IQGAP2: variants seen among roughly 807,000 people sequenced by gnomAD.
IQGAP2 encodes IQ motif containing GTPase activating protein 2.
In IQGAP2, 173 loss-of-function variants were observed where a neutral mutation model predicts 201.3. The ratio of observed to expected loss-of-function variants is 0.86; its 90% CI spans 0.76 to 0.98. IQGAP2 has a LOEUF of 0.98. Ranked by LOEUF, IQGAP2 falls within the 50% of genes least tolerant of loss-of-function variation. The pLI is 0.00. For synonymous variants in IQGAP2, 675 were observed against 673.9 expected (o/e 1.00, Z -0.03); for missense variants, 1,687 against 1,864.8 (o/e 0.90, Z 1.76).
chr5:76,475,595 C>T (rs1389515595), intron 2 of IQGAP2, among the ~76,000 whole-genome samples: 1 of 152,200 alleles, frequency 6.6e-6, no homozygotes, highest in Non-Finnish European at 1.5e-5. Flanking sequence ...AATGTGGCCA[C>T]ACCTGAACAG....
intron 32 of IQGAP2, among the ~76,000 whole-genome samples, 192 bp from the exon 33 acceptor site, chr5:76,697,795 C>T (rs1477331756): frequency 1.3e-5 from 2 of 152,190 alleles, no homozygotes; most frequent in African/African-American, 2.4e-5. Context: ...GAAATATGTA[C>T]ACTTTCCAGT....
At position 76,692,442 on chromosome 5, in the gene IQGAP2, G is replaced by A. The variant is rs62362985; in HGVS notation, c.3906-913G>A. On this transcript the variant is annotated intron_variant, in intron 30 of 35. Coordinates refer to ENST00000274364, the MANE Select transcript of IQGAP2 (RefSeq NM_006633.5). ...GCTGGGATTACAGGAGTGAGCCACC[G>A]CGCCTGGCCCTTTTTTTTCTTTTTA... 1.2e-3 allele frequency among the ~76,000 whole-genome samples: 182 copies of A among 152,294 alleles called. 1 individual carries two copies. The highest frequency in any genetic ancestry group is 1.1e-3 in the Non-Finnish European group (78 of 68,026).
At chr5:76,506,234 T>C (rs923319910) in intron 2 of IQGAP2, among the ~76,000 whole-genome samples, 4 of 152,208 alleles carry the variant, frequency 2.6e-5, no homozygotes, top group African/African-American at 4.8e-5. Context: ...AGAGAGCTAC[T>C]TGAGGGCAGG....
intron 2 of IQGAP2, among the ~76,000 whole-genome samples, chr5:76,466,125 C>T (rs1424858027): frequency 2.0e-5 from 3 of 151,688 alleles, no homozygotes; most frequent in Non-Finnish European, 4.4e-5. Context: ...TGCTTGAGGC[C>T]AGGAGTTTGA....
At chr5:76,654,894 G>A in intron 19 of IQGAP2, 40 bp from the exon 20 acceptor site, 1 of 1,316,856 alleles carries the variant, frequency 7.6e-7, no homozygotes, top group Non-Finnish European at 1.1e-6. Context: ...TGGAGTAGGT[G>A]GGACTCTGGG....
At chr5:76,658,178 G>T (rs1464387097) in intron 20 of IQGAP2, among the ~76,000 whole-genome samples, 1 of 152,190 alleles carries the variant, frequency 6.6e-6, no homozygotes, top group Non-Finnish European at 1.5e-5. Flanking sequence ...CTTAGCGCAT[G>T]AGTCCAGGGA....
chr5:76,629,304 T>C (rs1423522936), intron 14 of IQGAP2, among the ~76,000 whole-genome samples: 1 of 152,224 alleles, frequency 6.6e-6, no homozygotes, highest in Non-Finnish European at 1.5e-5. Flanking sequence ...TCTTCATTAT[T>C]TGCATGAAGA....
At chr5:76,527,875 T>A (rs577969213) in intron 2 of IQGAP2, among the ~76,000 whole-genome samples, 1 of 152,350 alleles carries the variant, frequency 6.6e-6, no homozygotes, top group East Asian at 1.9e-4. Context: ...TATCCTGTAT[T>A]AACTTGCTAA....
At chr5:76,422,197 C>T (rs1347130353) in intron 1 of IQGAP2, among the ~76,000 whole-genome samples, 2 of 152,146 alleles carry the variant, frequency 1.3e-5, no homozygotes, top group Non-Finnish European at 2.9e-5. Flanking sequence ...TTAACTGGAG[C>T]AAAAGGTGGC....
At chr5:76,550,507 G>A (rs969463495) in intron 2 of IQGAP2, among the ~76,000 whole-genome samples, 6 of 152,156 alleles carry the variant, frequency 3.9e-5, no homozygotes, top group South Asian at 2.1e-4. Context: ...GCTGCCTTCC[G>A]CAGTGTTTGT....
At position 76,671,859 on chromosome 5, in the gene IQGAP2, C is replaced by A; in HGVS notation, c.2944C>A (p.Arg982Ser). ...AGGTGCCCGGGGACAGAACACCCTG[C>A]GCCAACTCCTGGCTCCAGTGGTAAA... ...NRGARGQNTL[R>S]QLLAPVVKEI... Residue 982 changes from arginine (R) to serine (S), a missense_variant, in exon 24 of 36, where the codon CGC becomes AGC. Arg to Ser is a moderately radical substitution (Grantham distance 110, BLOSUM62 -1). Coordinates refer to ENST00000274364, the MANE Select transcript of IQGAP2 (RefSeq NM_006633.5). 6.2e-7 allele frequency: 1 copy of A among 1,613,974 alleles called. No individual in the cohort carries two copies. The highest frequency in any genetic ancestry group is 8.5e-7 in the Non-Finnish European group (1 of 1,179,938).
At chr5:76,570,844 C>T (rs1447703391) in intron 4 of IQGAP2, among the ~76,000 whole-genome samples, 187 bp downstream of exon 4, 1 of 152,144 alleles carries the variant, frequency 6.6e-6, no homozygotes, top group Non-Finnish European at 1.5e-5. Flanking sequence ...GGGATGTGCC[C>T]AGATTGAGAG....
At chr5:76,435,542 G>C (rs770958147) in intron 1 of IQGAP2, among the ~76,000 whole-genome samples, 16 of 152,082 alleles carry the variant, frequency 1.1e-4, no homozygotes, top group Non-Finnish European at 1.8e-4. Flanking sequence ...CCATTGGTCT[G>C]TGTATCTACT....
chr5:76,681,189 A>T (rs1489614928), intron 28 of IQGAP2, among the ~76,000 whole-genome samples: 1 of 151,904 alleles, frequency 6.6e-6, no homozygotes, highest in Admixed American at 6.6e-5. Flanking sequence ...TATCCAGAAT[A>T]TATAAAGAAA....
At chr5:76,457,554 C>T (rs1200201640) in intron 1 of IQGAP2, among the ~76,000 whole-genome samples, 1 of 152,234 alleles carries the variant, frequency 6.6e-6, no homozygotes, top group African/African-American at 2.4e-5. Context: ...GTTTGTTGAA[C>T]AAATGAGTGA....
At chr5:76,670,759 T>G (rs962261400) in intron 23 of IQGAP2, among the ~76,000 whole-genome samples, 1 of 152,190 alleles carries the variant, frequency 6.6e-6, no homozygotes, top group African/African-American at 2.4e-5. Context: ...GAAGCTGTAT[T>G]GCAGCTTTGA....
At chr5:76,552,874 A>ATCTTGAAG (rs571459890) in intron 2 of IQGAP2, among the ~76,000 whole-genome samples, 13 of 152,274 alleles carry the variant, frequency 8.5e-5, no homozygotes, top group Non-Finnish European at 1.8e-4. Context: ...CTCCTACTAG[A>ATCTTGAAG]TCTTGAAGTC....
At chr5:76,447,203 C>T (rs1426497600) in intron 1 of IQGAP2, among the ~76,000 whole-genome samples, 1 of 152,198 alleles carries the variant, frequency 6.6e-6, no homozygotes, top group African/African-American at 2.4e-5. Flanking sequence ...AATCCCTAGG[C>T]CTAGCTGGGA....
chr5:76,503,174 CTTT>C (rs11297908), intron 2 of IQGAP2, among the ~76,000 whole-genome samples: 10 of 109,338 alleles, frequency 9.1e-5, no homozygotes, highest in Admixed American at 1.1e-4. Context: ...CTTTTCTTTT[CTTT>C]TTTTTTTTTT....
Sources: allele counts gnomAD v4.1 joint callset (sites outside exome capture counted in the v4.1 genomes callset), GRCh38; gene constraint gnomAD v4.1.1; transcripts MANE v1.5; gene names NCBI Gene and HGNC (gene_info 2026-07-23, HGNC 2026-07-21).